Variants in RIBC2 observed in about 807,000 individuals in gnomAD.
RIBC2 encodes the protein RIB43A-like with coiled-coils protein 2.
Under a neutral mutation model 44.3 loss-of-function variants are expected in RIBC2, and 40 were observed. The ratio of observed to expected loss-of-function variants is 0.90; its 90% CI spans 0.70 to 1.18. The LOEUF (loss-of-function observed/expected upper bound fraction) is 1.18, where lower values mean the gene tolerates loss of function less well. Ranked by LOEUF, RIBC2 falls within the 50% of genes most tolerant of loss-of-function variation. The pLI is 0.00. For synonymous variants in RIBC2, 171 were observed against 175.0 expected, an observed-to-expected ratio of 0.98 and a Z score of 0.18; for missense variants, 459 against 485.5, an observed-to-expected ratio of 0.95 and a Z score of 0.51.
chr22:45,426,081 C>T lies in RIBC2; in HGVS notation c.809C>T (p.Pro270Leu). The T allele has an allele frequency of 6.2e-7, 1 of 1,613,998 alleles. No homozygotes were observed. The highest frequency in any genetic ancestry group is 8.5e-7 in the Non-Finnish European group (1 of 1,180,024). Residue 270 changes from proline (P) to leucine (L), a missense_variant, in exon 5 of 7, where the codon CCC (proline) becomes CTC (leucine). Transcript: ENST00000614167. Reference protein sequence around the residue: ...NPQQAASSFGPHRVVPDRWKG... With the variant: ...NPQQAASSFGLHRVVPDRWKG... ...CAGCAGGCAGCCAGCTCCTTCGGGC[C>T]CCACCGCGTGGTCCCTGACCGCTGG...
At chr22:45,425,353 A>G (rs559366466) in intron 4 of RIBC2, among the ~76,000 whole-genome samples, 7 of 152,314 alleles carry the variant, frequency 4.6e-5, no homozygotes, top group Non-Finnish European at 8.8e-5. Flanking sequence ...TGTAAACCCA[A>G]GTACATGTCT....
rs184650564 is a variant in RIBC2, at chr22:45,420,108, C to T, written c.556+2162C>T. On this transcript the variant is annotated intron_variant, in intron 3 of 6. Coordinates refer to ENST00000614167, the MANE Select transcript of RIBC2 (RefSeq NM_015653.5). ...GAGTAAACATTTCACTCAGAGTAAA[C>T]GATTTTTTTCAGAGACCTACAACGC... 2.7e-3 allele frequency among the ~76,000 whole-genome samples: 414 copies of T among 152,270 alleles called. 2 individuals are homozygous for T. Among genetic ancestry groups the T allele is most frequent in the Middle Eastern group, 0.01 (3 of 294 alleles).
chr22:45,431,155 G>A lies in RIBC2; in HGVS notation c.1070+89G>A, dbSNP rs997250716. On this transcript the variant is annotated intron_variant, in intron 6 of 6. Coordinates refer to ENST00000614167, the MANE Select transcript of RIBC2 (RefSeq NM_015653.5). The stretch of plus-strand genomic sequence containing the variant: ...GGTCAAGGACGAGGAGGGGGCAGGA[G>A]GGGAAACACCCCGCCCTGGTGGTCC... 79 of 1,437,624 alleles carry A rather than the reference G, an allele frequency of 5.5e-5. No homozygotes were observed. The African/African-American group carries it at 1.1e-3, about 20-fold the overall frequency. 89.1% of individuals were successfully genotyped at this position (1,437,624 alleles called of 1,614,324 possible).
chr22:45,419,009 C>G (rs147046726), intron 3 of RIBC2, among the ~76,000 whole-genome samples: 87 of 152,342 alleles, frequency 5.7e-4, no homozygotes, highest in Non-Finnish European at 1.0e-3. Context: ...CAGAACACCA[C>G]TCTCACATTA....
intron 2 of RIBC2, among the ~76,000 whole-genome samples, chr22:45,416,319 G>A (rs1365338237): frequency 6.6e-6 from 1 of 151,866 alleles, no homozygotes; most frequent in Non-Finnish European, 1.5e-5. Context: ...GACTGTCCAA[G>A]AATTGTGTCC....
chr22:45,428,113 G>A (rs1199087061), intron 5 of RIBC2, among the ~76,000 whole-genome samples: 1 of 152,222 alleles, frequency 6.6e-6, no homozygotes, highest in African/African-American at 2.4e-5. Flanking sequence ...GGGAGGGAAG[G>A]AGAGGGGAAC....
chr22:45,418,035 G>GTTTT, intron 3 of RIBC2, 89 bp downstream of exon 3: 69 of 440,684 alleles, frequency 1.6e-4, no homozygotes, highest in East Asian at 2.7e-4. Context: ...CAACCCTACA[G>GTTTT]TTTTTTTTTT....
chr22:45,416,211 A>G (rs903770973), intron 2 of RIBC2, among the ~76,000 whole-genome samples: 3 of 151,888 alleles, frequency 2.0e-5, no homozygotes, highest in Non-Finnish European at 4.4e-5. Flanking sequence ...GCATTTTGTT[A>G]TATGAATTAA....
chr22:45,426,601 C>T lies in RIBC2; in HGVS notation c.903+426C>T, dbSNP rs182511142. 7.2e-5 allele frequency among the ~76,000 whole-genome samples: 11 copies of T among 152,300 alleles called. No individual in the cohort carries two copies. The East Asian group carries it at 1.7e-3, about 24-fold the overall frequency. On this transcript the variant is annotated intron_variant, in intron 5 of 6. Transcript: ENST00000614167. Reference sequence around the variant, plus strand: ...TACGGAGGCCTCAGAGGCAGACGGTCGAGGTCCTGGCAGTCCACTGGGGAG... The same window carrying T: ...TACGGAGGCCTCAGAGGCAGACGGTTGAGGTCCTGGCAGTCCACTGGGGAG...
chr22:45,414,037 C>A, intron 1 of RIBC2, 22 bp downstream of exon 1: 1 of 1,550,670 alleles, frequency 6.4e-7, no homozygotes, highest in Non-Finnish European at 8.7e-7. Context: ...GGGGCCGGGA[C>A]GGGGTTAGAG....
intron 5 of RIBC2, among the ~76,000 whole-genome samples, chr22:45,428,685 G>A (rs1354519694): frequency 6.6e-6 from 1 of 152,184 alleles, no homozygotes; most frequent in East Asian, 1.9e-4. Context: ...CCTTTTAGAA[G>A]TAGAACTGAG....
intron 5 of RIBC2, among the ~76,000 whole-genome samples, chr22:45,430,280 G>A (rs759681171): frequency 2.6e-5 from 4 of 152,216 alleles, no homozygotes; most frequent in South Asian, 2.1e-4. Context: ...TAACAAAGCT[G>A]ACAACACACG....
At chr22:45,418,933 G>T (rs764386954) in intron 3 of RIBC2, among the ~76,000 whole-genome samples, 1 of 152,114 alleles carries the variant, frequency 6.6e-6, no homozygotes, top group Non-Finnish European at 1.5e-5. Flanking sequence ...GTCGGTTTTT[G>T]ACCTTCATCT....
intron 4 of RIBC2, among the ~76,000 whole-genome samples, chr22:45,423,575 A>G (rs1190305539): frequency 6.6e-6 from 1 of 152,216 alleles, no homozygotes; most frequent in African/African-American, 2.4e-5. Context: ...AACTAAATAT[A>G]TTGGAGATAC....
At position 45,426,079 on chromosome 22, in the gene RIBC2, G is replaced by T. The variant is rs1202292079; in HGVS notation, c.807G>T (p.Gly269=). ...ENPQQAASSF[G]PHRVVPDRWK... ...CGCAGCAGGCAGCCAGCTCCTTCGG[G>T]CCCCACCGCGTGGTCCCTGACCGCT... The change falls in exon 5 of 7, where the codon GGG becomes GGT. Residue 269 remains glycine, a synonymous_variant. Transcript: ENST00000614167. 2 of 1,613,916 alleles carry T rather than the reference G, an allele frequency of 1.2e-6. No individual in the cohort carries two copies. Among genetic ancestry groups the T allele is most frequent in the South Asian group, 2.2e-5 (2 of 91,040 alleles).
chr22:45,431,103 C>T (rs113439205), intron 6 of RIBC2, 37 bp downstream of exon 6: 19 of 1,553,308 alleles, frequency 1.2e-5, no homozygotes, highest in African/African-American at 4.1e-5. Flanking sequence ...GGTGGGGGAC[C>T]GGGTGGAGGG....
chr22:45,424,522 A>G (rs1402898401), intron 4 of RIBC2, among the ~76,000 whole-genome samples: 1 of 152,240 alleles, frequency 6.6e-6, no homozygotes, highest in African/African-American at 2.4e-5. Flanking sequence ...TGGGATAAGA[A>G]GCAGCAGTCT....
intron 5 of RIBC2, 75 bp downstream of exon 5, chr22:45,426,250 T>A: frequency 7.5e-7 from 1 of 1,327,086 alleles, no homozygotes; most frequent in Non-Finnish European, 1.1e-6. Flanking sequence ...GGCACAAATG[T>A]AGTTGTAGCA....
rs546688382 is a variant in RIBC2, at chr22:45,432,327, G to C, written c.1114G>C (p.Asp372His). 2 of 1,601,516 alleles carry C rather than the reference G, an allele frequency of 1.2e-6. No individual in the cohort carries two copies. Among genetic ancestry groups the C allele is most frequent in the African/African-American group, 1.3e-5 (1 of 74,478 alleles). ...AGTCTATACAAATCAACCCACGGGAGACTATTTCACACAATTTAATACAGG... is the reference window on the plus strand; with the variant it reads ...AGTCTATACAAATCAACCCACGGGACACTATTTCACACAATTTAATACAGG... ...NEVYTNQPTG[D>H]YFTQFNTGSR The change falls in exon 7 of 7, where the codon GAC becomes CAC. Residue 372 changes from aspartate to histidine, a missense_variant. Transcript: ENST00000614167.
Sources: allele counts gnomAD v4.1 joint callset (sites outside exome capture counted in the v4.1 genomes callset), GRCh38; gene constraint gnomAD v4.1.1; transcripts MANE v1.5; gene names NCBI Gene and HGNC (gene_info 2026-07-23, HGNC 2026-07-21).